Variants in TBC1D1 observed in about 807,000 individuals in gnomAD.
The protein encoded by TBC1D1 is TBC1 (tre-2/USP6, BUB2, cdc16) domain family, member 1.
A neutral mutation model predicts 125.6 loss-of-function variants in TBC1D1; 89 were observed. The ratio of observed to expected loss-of-function variants is 0.71; its 90% CI spans 0.60 to 0.85. TBC1D1 has a LOEUF of 0.85. Among genes scored for constraint, TBC1D1 ranks in the 40% least tolerant of loss-of-function variants. The pLI, the probability that TBC1D1 is intolerant of heterozygous loss-of-function variation, is 0.00. For synonymous variants in TBC1D1, 565 were observed against 564.1 expected (o/e 1.00, Z -0.02); for missense variants, 1,377 against 1,469.2 (o/e 0.94, Z 1.03).
chr4:38,068,199 C>T (rs914756996), intron 12 of TBC1D1, among the ~76,000 whole-genome samples: 7 of 152,168 alleles, frequency 4.6e-5, no homozygotes, highest in Non-Finnish European at 8.8e-5. Context: ...AAAACTGTCG[C>T]GGAAATCCCT....
chr4:38,128,989 A>T lies in TBC1D1; in HGVS notation c.3132+3858A>T, dbSNP rs868769298. ...GCAGGGCAAATAGCCTATTTTCAGC[A>T]TCCTTTAGGCTCCACTCAGAGCATG... On this transcript the variant is annotated intron_variant, in intron 18 of 19. Coordinates refer to ENST00000261439, the MANE Select transcript of TBC1D1 (RefSeq NM_015173.4). 5.3e-5 allele frequency among the ~76,000 whole-genome samples: 8 copies of T among 152,170 alleles called. No individual in the cohort carries two copies. In the South Asian group the frequency reaches 1.2e-3, roughly 24 times the overall value.
At chr4:37,900,466 C>A (rs940829997) in intron 1 of TBC1D1, among the ~76,000 whole-genome samples, 18 of 151,352 alleles carry the variant, frequency 1.2e-4, no homozygotes, top group African/African-American at 4.1e-4. Context: ...ACTTATTGAG[C>A]CCCTCAGTTA....
chr4:38,119,413 C>G (rs1763499439), intron 17 of TBC1D1, among the ~76,000 whole-genome samples: 1 of 151,654 alleles, frequency 6.6e-6, no homozygotes, highest in African/African-American at 2.4e-5. Flanking sequence ...TCCTTCTTTT[C>G]TGTCCCTGAA....
rs1197609364 is a variant in TBC1D1 at position 37,986,451 on chromosome 4, T to A, written c.418-28058T>A. On this transcript the variant is annotated intron_variant, in intron 2 of 19. Transcript: ENST00000261439. ...TGTATTTCAGAATACTTTATTTATTTATTTATGTTTTTGAGACGGAGTCTT... is the reference window on the plus strand; with the variant it reads ...TGTATTTCAGAATACTTTATTTATTAATTTATGTTTTTGAGACGGAGTCTT... 2.0e-5 allele frequency among the ~76,000 whole-genome samples: 3 copies of A among 152,188 alleles called. No homozygotes were observed. In the East Asian group the frequency reaches 5.8e-4, roughly 29 times the overall value.
intron 2 of TBC1D1, among the ~76,000 whole-genome samples, chr4:37,930,534 C>A (rs1227749811): frequency 6.6e-6 from 1 of 151,854 alleles, no homozygotes; most frequent in Non-Finnish European, 1.5e-5. Flanking sequence ...CCTGTATTGC[C>A]CAGGCTGGAT....
intron 11 of TBC1D1, among the ~76,000 whole-genome samples, 155 bp downstream of exon 12, chr4:38,052,215 G>T (rs1750732159): frequency 6.6e-6 from 1 of 151,110 alleles, no homozygotes; most frequent in South Asian, 2.1e-4. Flanking sequence ...GTGTGTCTTT[G>T]TTTATATTTT....
intron 12 of TBC1D1, among the ~76,000 whole-genome samples, chr4:38,066,254 A>G (rs1272862693): frequency 6.9e-6 from 1 of 145,028 alleles, no homozygotes; most frequent in Non-Finnish European, 1.5e-5. Flanking sequence ...CATTTGGGGC[A>G]TTATTAGCAA....
chr4:37,996,062 T>C, intron 2 of TBC1D1: 1 of 514,782 alleles, frequency 1.9e-6, no homozygotes. Flanking sequence ...GAGGGAATCC[T>C]TTTGCAAGGC....
At chr4:38,057,159 G>A (rs1269573676) in intron 12 of TBC1D1, among the ~76,000 whole-genome samples, 2 of 152,072 alleles carry the variant, frequency 1.3e-5, no homozygotes, top group African/African-American at 2.4e-5. Flanking sequence ...CCCTGTCAGC[G>A]CTAGGCAGAG....
intron 12 of TBC1D1, among the ~76,000 whole-genome samples, chr4:38,059,403 G>A (rs973498815): frequency 1.3e-5 from 2 of 152,312 alleles, no homozygotes; most frequent in African/African-American, 4.8e-5. Context: ...GGAAATCAGC[G>A]ATTTTTACTT....
At chr4:38,045,161 C>G (rs1749156395) in intron 9 of TBC1D1, among the ~76,000 whole-genome samples, 1 of 152,188 alleles carries the variant, frequency 6.6e-6, no homozygotes, top group African/African-American at 2.4e-5. Context: ...TCCCTCCCTC[C>G]CATGAGTGTA....
chr4:38,064,122 A>G (rs1045073927), intron 12 of TBC1D1, among the ~76,000 whole-genome samples: 3 of 152,214 alleles, frequency 2.0e-5, no homozygotes, highest in Admixed American at 2.0e-4. Flanking sequence ...CTTTGATTTA[A>G]CATGTTTTCA....
At chr4:38,049,017 G>T (rs1312208997) in intron 10 of TBC1D1, among the ~76,000 whole-genome samples, 2 of 152,156 alleles carry the variant, frequency 1.3e-5, no homozygotes, top group Non-Finnish European at 2.9e-5. Flanking sequence ...TTGAAACTCA[G>T]ATACATTTTT....
intron 15 of TBC1D1, among the ~76,000 whole-genome samples, chr4:38,115,098 C>CTTTTTTTTT (rs56997021): frequency 1.1e-4 from 15 of 134,670 alleles, no homozygotes; most frequent in African/African-American, 4.2e-4. Context: ...TTTCTTTTTT[C>CTTTTTTTTT]TTTTTTTTTT....
rs1296105232 is a variant in TBC1D1, at chr4:38,035,665, GAA to G, written c.1382_1383del (p.Lys461ArgfsTer22). 6.2e-7 allele frequency: 1 copy of G among 1,613,684 alleles called. No individual in the cohort carries two copies. The highest frequency in any genetic ancestry group is 1.7e-5 in the Admixed American group (1 of 59,994). On this transcript the variant is annotated frameshift_variant, in exon 8 of 20. Coordinates refer to ENST00000261439, the MANE Select transcript of TBC1D1 (RefSeq NM_015173.4). LOFTEE classifies it high-confidence loss of function. ...TGAGATGTTTATATGAAGAGAAACA[GAA>G]AGAACACATCCATATTGGGGAGATG...
intron 1 of TBC1D1, among the ~76,000 whole-genome samples, chr4:37,897,085 C>T (rs1208881344): frequency 6.6e-6 from 1 of 152,080 alleles, no homozygotes; most frequent in Non-Finnish European, 1.5e-5. Context: ...GGGTATGAAA[C>T]ATAAGAGTTC....
intron 3 of TBC1D1, among the ~76,000 whole-genome samples, chr4:38,016,089 A>G (rs1374297449): frequency 6.6e-6 from 1 of 152,222 alleles, no homozygotes; most frequent in East Asian, 1.9e-4. Context: ...CGTGAACAAG[A>G]CAAGTATGTT....
At chr4:38,085,610 A>C (rs1757355041) in intron 12 of TBC1D1, among the ~76,000 whole-genome samples, 1 of 152,208 alleles carries the variant, frequency 6.6e-6, no homozygotes, top group Admixed American at 6.5e-5. Context: ...CCTCCGCTGC[A>C]CTGAGCCAAG....
intron 2 of TBC1D1, chr4:37,960,466 T>C (rs1185107901): frequency 6.2e-7 from 1 of 1,613,750 alleles, no homozygotes; most frequent in African/African-American, 1.3e-5. Flanking sequence ...GATAAGGAAA[T>C]TGGAGAACCA....
Sources: gnomAD v4.1 joint callset for allele counts (sites outside exome capture counted in the v4.1 genomes callset) on GRCh38, gnomAD v4.1.1 for gene constraint, MANE v1.5 for transcripts, NCBI Gene and HGNC (gene_info 2026-07-23, HGNC 2026-07-21) for gene names.